Variants in STRA6 observed in about 807,000 individuals in gnomAD.
The protein encoded by STRA6 is signaling receptor and transporter of retinol STRA6.
In STRA6, 48 loss-of-function variants were observed where a neutral mutation model predicts 83.6. The observed-to-expected ratio is 0.57, with a 90% CI of 0.46 to 0.73. The LOEUF (loss-of-function observed/expected upper bound fraction) is 0.73. Ranked by LOEUF, STRA6 falls within the 30% of genes least tolerant of loss-of-function variation. The probability of loss-of-function intolerance (pLI) is 0.00; values close to 1 mark genes in which losing one functional copy is unlikely to be tolerated. For missense variants in STRA6, 760 were observed against 838.8 expected (o/e 0.91, Z 1.16); for synonymous variants, 353 against 362.3 (o/e 0.97, Z 0.29).
In STRA6 at chr15:74,196,095, A is replaced by G. The variant is rs749617680; in HGVS notation, c.319T>C (p.Phe107Leu). The G allele has an allele frequency of 3.1e-6, 5 of 1,614,068 alleles. No homozygotes were observed. In the East Asian group the frequency reaches 1.1e-4, roughly 36 times the overall value. Residue 107 changes from phenylalanine (F) to leucine (L), a missense_variant, in exon 5 of 19, where the codon TTC becomes CTC. Physicochemically the swap from Phe to Leu is conservative, Grantham distance 22. Coordinates refer to ENST00000395105, the MANE Select transcript of STRA6 (RefSeq NM_022369.4). The part of the protein sequence containing the change: ...DRPRAVPAAV[F>L]MVLLSSLCLL... ...CACAGGGAGCTCAGGAGGACCATGA[A>G]AACAGCAGCAGGCACTGCCCGGGGC...
At chr15:74,180,458 C>T (rs968002571) in intron 18 of STRA6, among the ~76,000 whole-genome samples, 7 of 152,102 alleles carry the variant, frequency 4.6e-5, no homozygotes, top group Admixed American at 4.6e-4. Context: ...TTAGTGTCCC[C>T]TCCCTACACA....
At chr15:74,210,379 C>T (rs2074349978), upstream of STRA6, among the ~76,000 whole-genome samples, 1 of 152,176 alleles carries the variant, frequency 6.6e-6, no homozygotes, top group South Asian at 2.1e-4. Flanking sequence ...ACTGACGTGG[C>T]AGAACCTCCA....
rs370713890 is a variant in STRA6, at chr15:74,195,295, C to A, written c.597+7G>T. 1.9e-6 allele frequency: 3 copies of A among 1,611,512 alleles called. No individual in the cohort carries two copies. The highest frequency in any genetic ancestry group is 4.5e-5 in the East Asian group (2 of 44,886). On this transcript the variant is annotated splice_region_variant and intron_variant, in intron 7 of 18. Coordinates refer to ENST00000395105, the MANE Select transcript of STRA6 (RefSeq NM_022369.4). Reference sequence around the variant, plus strand: ...CTCTGCCCTAGGCCATTGTGATCAGCGGTTACCTTGGGCACCTGGGGACAC... The same window carrying A: ...CTCTGCCCTAGGCCATTGTGATCAGAGGTTACCTTGGGCACCTGGGGACAC...
chr15:74,203,740 G>C (rs2074183245), upstream of STRA6, among the ~76,000 whole-genome samples: 2 of 152,342 alleles, frequency 1.3e-5, no homozygotes, highest in Middle Eastern at 6.8e-3. Context: ...CAAAGTCTGA[G>C]GGTTACAAAG....
chr15:74,208,079 G>A (rs1400705596), intron 1 of STRA6: 7 of 1,224,728 alleles, frequency 5.7e-6, no homozygotes, highest in East Asian at 4.5e-5. Flanking sequence ...AGGCTGTTCT[G>A]GTATGAGGGT....
At chr15:74,197,872 CAGATGG>C in intron 2 of STRA6, 54 bp from the exon 3 acceptor site, 12 of 1,587,202 alleles carry the variant, frequency 7.6e-6, no homozygotes, top group Non-Finnish European at 1.0e-5. Context: ...CCTGGGTGTG[CAGATGG>C]GTCTGGGGTT....
intron 11 of STRA6, among the ~76,000 whole-genome samples, chr15:74,189,853 A>G (rs1304150783): frequency 2.0e-5 from 3 of 152,158 alleles, no homozygotes; most frequent in African/African-American, 7.2e-5. Flanking sequence ...TAGTAGAGAC[A>G]GGGTTTCACT....
chr15:74,182,738 T>C (rs2073057900), intron 14 of STRA6: 1 of 444,468 alleles, frequency 2.2e-6, no homozygotes, highest in South Asian at 2.4e-5. Flanking sequence ...ACAAAATACT[T>C]TGCAAATGTT....
chr15:74,180,005 G>T lies in STRA6; in HGVS notation c.*75C>A, dbSNP rs182529524. 2.0e-3 allele frequency: 3,154 copies of T among 1,568,718 alleles called. 65 individuals are homozygous for T. The African/African-American group carries it at 0.038, about 19-fold the overall frequency. ...TGGCTGGTGTGATGCTGGGAGGAGA[G>T]CCGGGGAGGGAGGAGGATGGTAGGC... On this transcript the variant is annotated 3_prime_UTR_variant, in exon 19 of 19. Transcript: ENST00000395105.
chr15:74,187,842 G>T (rs2073331967), intron 12 of STRA6, among the ~76,000 whole-genome samples: 1 of 152,156 alleles, frequency 6.6e-6, no homozygotes, highest in African/African-American at 2.4e-5. Flanking sequence ...AGAGTCCTTT[G>T]CCCTGGATGT....
chr15:74,190,490 A>C (rs2073477217), intron 11 of STRA6, among the ~76,000 whole-genome samples: 1 of 151,754 alleles, frequency 6.6e-6, no homozygotes, highest in African/African-American at 2.4e-5. Context: ...AAATCTTCCC[A>C]ATTACTCAAA....
At position 74,180,739 on chromosome 15, in the gene STRA6, G is replaced by T. The variant is rs752014713; in HGVS notation, c.1840+43C>A. ...GGGGCACACATCCTTCCTAGAAGAA[G>T]CTGGGTAGGCTCTATTCCCCCATTC... On this transcript the variant is annotated intron_variant, in intron 18 of 18. Transcript: ENST00000395105. 4 of 1,570,906 alleles carry T rather than the reference G, an allele frequency of 2.5e-6. No homozygotes were observed. The South Asian group carries it at 3.5e-5, about 14-fold the overall frequency.
chr15:74,208,568 G>A (rs1002961186), intron 1 of STRA6, among the ~76,000 whole-genome samples: 10 of 152,124 alleles, frequency 6.6e-5, no homozygotes, highest in South Asian at 2.1e-4. Flanking sequence ...AGGACTCTGC[G>A]AATGTCTCCT....
At position 74,195,696 on chromosome 15, in the gene STRA6, C is replaced by G; in HGVS notation, c.407-21G>C. ...CCCATCTGTAAAATGAAAATAATCACAGTATATTAGCAAGGGCAAAATGAG... is the reference window on the plus strand; with the variant it reads ...CCCATCTGTAAAATGAAAATAATCAGAGTATATTAGCAAGGGCAAAATGAG... On this transcript the variant is annotated intron_variant, in intron 5 of 18. Coordinates refer to ENST00000395105, the MANE Select transcript of STRA6 (RefSeq NM_022369.4). 3.2e-6 allele frequency: 4 copies of G among 1,264,386 alleles called. No individual in the cohort carries two copies. In the East Asian group the frequency reaches 7.6e-5, roughly 24 times the overall value. 78.3% of individuals were successfully genotyped at this position (1,264,386 alleles called of 1,614,324 possible).
At chr15:74,196,289 T>C in intron 4 of STRA6, 142 bp from the exon 5 acceptor site, 4 of 1,305,030 alleles carry the variant, frequency 3.1e-6, no homozygotes, top group Non-Finnish European at 4.2e-6. Flanking sequence ...CATTCATTCA[T>C]TCCATAGATA....
At chr15:74,202,447 G>T in intron 1 of STRA6, 165 bp from the exon 2 acceptor site, 1 of 1,536,272 alleles carries the variant, frequency 6.5e-7, no homozygotes, top group South Asian at 1.2e-5. Context: ...GCCCGTCTGG[G>T]ACTGAGGGCC....
At chr15:74,194,452 G>C (rs1039349987) in intron 7 of STRA6, 6 of 942,122 alleles carry the variant, frequency 6.4e-6, no homozygotes, top group Non-Finnish European at 6.4e-6. Flanking sequence ...GTGAAAAAAA[G>C]CCACCAAGTT....
At chr15:74,212,181 C>T (rs1413266946), upstream of STRA6, 1 of 152,574 alleles carries the variant, frequency 6.6e-6, no homozygotes, top group Non-Finnish European at 1.5e-5. Context: ...TCGGGATCCG[C>T]AGAGTCTACA....
At chr15:74,195,014 G>A (rs372613136) in intron 7 of STRA6, 22 of 1,434,668 alleles carry the variant, frequency 1.5e-5, no homozygotes, top group East Asian at 1.0e-4. Context: ...GGCATTGGGG[G>A]TGGGGGCCAT....
Sources: allele counts gnomAD v4.1 joint callset (sites outside exome capture counted in the v4.1 genomes callset), GRCh38; gene constraint gnomAD v4.1.1; transcripts MANE v1.5; gene names NCBI Gene and HGNC (gene_info 2026-07-23, HGNC 2026-07-21).